The following CPNE8 variants were observed in gnomAD, a reference collection of about 807,000 sequenced individuals.
CPNE8 encodes copine-8.
Under a neutral mutation model 81.5 loss-of-function variants are expected in CPNE8, and 45 were observed. That is an observed-to-expected ratio of 0.55 (90% CI 0.44 to 0.71). The LOEUF (loss-of-function observed/expected upper bound fraction) is 0.71, where lower values mean the gene tolerates loss of function less well. Among genes scored for constraint, CPNE8 ranks in the 30% least tolerant of loss-of-function variants. The pLI, the probability that CPNE8 is intolerant of heterozygous loss-of-function variation, is 0.00. For missense variants in CPNE8, 594 were observed against 672.1 expected (o/e 0.88, Z 1.28); for synonymous variants, 252 against 226.3 (o/e 1.11, Z -1.02).
At chr12:38,790,380 C>A (rs1215567509) in intron 6 of CPNE8, among the ~76,000 whole-genome samples, 1 of 151,592 alleles carries the variant, frequency 6.6e-6, no homozygotes, top group Non-Finnish European at 1.5e-5. Context: ...TTTGCGGGAT[C>A]TAAAAATCAA....
chr12:38,716,408 G>T (rs565562755), intron 13 of CPNE8, among the ~76,000 whole-genome samples: 1 of 152,176 alleles, frequency 6.6e-6, no homozygotes, highest in African/African-American at 2.4e-5. Context: ...ATACTACAAG[G>T]CTATAGTTAC....
chr12:38,858,103 A>G (rs1451958824), intron 3 of CPNE8, among the ~76,000 whole-genome samples: 1 of 152,270 alleles, frequency 6.6e-6, no homozygotes, highest in African/African-American at 2.4e-5. Flanking sequence ...CCATCTTTAT[A>G]TAATGTAAAC....
chr12:38,786,362 C>A (rs1320862728), intron 6 of CPNE8, among the ~76,000 whole-genome samples: 2 of 152,150 alleles, frequency 1.3e-5, no homozygotes, highest in Non-Finnish European at 2.9e-5. Context: ...CACCCTTACT[C>A]TGGGTGAGCA....
At chr12:38,878,064 G>T (rs1944093421) in intron 1 of CPNE8, among the ~76,000 whole-genome samples, 1 of 152,154 alleles carries the variant, frequency 6.6e-6, no homozygotes, top group South Asian at 2.1e-4. Flanking sequence ...GTTTACAAAT[G>T]CCATGGCAAC....
At chr12:38,853,591 C>T (rs192995368) in intron 3 of CPNE8, among the ~76,000 whole-genome samples, 1 of 152,034 alleles carries the variant, frequency 6.6e-6, no homozygotes, top group African/African-American at 2.4e-5. Flanking sequence ...AGTGTGTAAA[C>T]TTAAATTTGT....
intron 9 of CPNE8, among the ~76,000 whole-genome samples, chr12:38,761,758 A>G (rs997610440): frequency 1.1e-4 from 16 of 152,210 alleles, no homozygotes; most frequent in African/African-American, 3.1e-4. Flanking sequence ...TGCTATAACT[A>G]TGGAACTTTT....
chr12:38,864,408 G>A (rs7298168), intron 3 of CPNE8, among the ~76,000 whole-genome samples: 132,612 of 152,010 alleles, frequency 0.87, 58,095 homozygotes, highest in Non-Finnish European at 0.92. Context: ...TCCTATTTAC[G>A]TTTGACCCTT....
chr12:38,741,782 G>A (rs188681461), intron 10 of CPNE8, among the ~76,000 whole-genome samples: 5 of 151,802 alleles, frequency 3.3e-5, no homozygotes, highest in African/African-American at 9.7e-5. Context: ...ATCTGACAAA[G>A]GGCTAATATC....
At chr12:38,864,982 C>A (rs1943894769) in intron 3 of CPNE8, among the ~76,000 whole-genome samples, 1 of 152,122 alleles carries the variant, frequency 6.6e-6, no homozygotes, top group African/African-American at 2.4e-5. Context: ...GAATTCCTGT[C>A]CTGAAGATAT....
chr12:38,894,383 G>A (rs926037803), intron 1 of CPNE8, among the ~76,000 whole-genome samples: 7 of 151,994 alleles, frequency 4.6e-5, no homozygotes, highest in African/African-American at 1.7e-4. Context: ...AATTAAGAGA[G>A]AAATTCACTA....
At chr12:38,775,277 T>A (rs530176127) in intron 7 of CPNE8, among the ~76,000 whole-genome samples, 1 of 152,160 alleles carries the variant, frequency 6.6e-6, no homozygotes, top group East Asian at 1.9e-4. Flanking sequence ...TGAGCCACCA[T>A]GTCCCACCAG....
chr12:38,798,306 C>A (rs1252382288), intron 6 of CPNE8, among the ~76,000 whole-genome samples: 1 of 152,084 alleles, frequency 6.6e-6, no homozygotes, highest in East Asian at 1.9e-4. Flanking sequence ...AGAGAAAGGT[C>A]GGGTTACCCA....
At chr12:38,832,925 C>T (rs751026999) in intron 5 of CPNE8, among the ~76,000 whole-genome samples, 1 of 151,844 alleles carries the variant, frequency 6.6e-6, no homozygotes, top group Non-Finnish European at 1.5e-5. Context: ...ATCTACAAAC[C>T]AAAATGCTAA....
intron 10 of CPNE8, among the ~76,000 whole-genome samples, chr12:38,742,844 A>G (rs1941142027): frequency 1.3e-5 from 2 of 151,894 alleles, no homozygotes; most frequent in South Asian, 4.2e-4. Context: ...TCTGTCCTAG[A>G]GTTGTAATCA....
chr12:38,739,270 G>T (rs143831008), intron 10 of CPNE8, among the ~76,000 whole-genome samples: 1 of 152,048 alleles, frequency 6.6e-6, no homozygotes, highest in African/African-American at 2.4e-5. Context: ...AAATAGTATA[G>T]TTCACCTCAT....
chr12:38,905,562 C>A lies in CPNE8; in HGVS notation c.-28G>T. The A allele has an allele frequency of 6.5e-7, 1 of 1,547,914 alleles. No homozygotes were observed. The highest frequency in any genetic ancestry group is 8.7e-7 in the Non-Finnish European group (1 of 1,147,660). ...TGGGAGGAGGCGCCTTGGACTTGTCCGGCGCCCACAACCACAGCTCGGGCG... is the reference window on the plus strand; with the variant it reads ...TGGGAGGAGGCGCCTTGGACTTGTCAGGCGCCCACAACCACAGCTCGGGCG... On this transcript the variant is annotated 5_prime_UTR_variant, in exon 1 of 20. Coordinates refer to ENST00000331366, the MANE Select transcript of CPNE8 (RefSeq NM_153634.3).
intron 5 of CPNE8, among the ~76,000 whole-genome samples, chr12:38,837,944 TG>T (rs991299437): frequency 1.2e-4 from 19 of 152,306 alleles, no homozygotes; most frequent in African/African-American, 4.3e-4. Flanking sequence ...TATACATTTA[TG>T]ATTTCTAGGA....
intron 1 of CPNE8, among the ~76,000 whole-genome samples, chr12:38,899,302 G>A (rs79313457): frequency 0.053 from 8,047 of 152,108 alleles, 682 homozygotes; most frequent in African/African-American, 0.18. Context: ...ATACTGTCCT[G>A]ATAAAAGGAA....
intron 1 of CPNE8, among the ~76,000 whole-genome samples, chr12:38,884,042 T>C (rs1029919112): frequency 3.7e-4 from 56 of 152,316 alleles, no homozygotes; most frequent in African/African-American, 1.3e-3. Context: ...CAGAGGTAAA[T>C]GAAATACTAT....
Sources: gnomAD v4.1 joint callset for allele counts (sites outside exome capture counted in the v4.1 genomes callset) on GRCh38, gnomAD v4.1.1 for gene constraint, MANE v1.5 for transcripts, NCBI Gene and HGNC (gene_info 2026-07-23, HGNC 2026-07-21) for gene names.